Variants in ST6GAL2 observed in about 807,000 individuals in gnomAD.
ST6GAL2 encodes ST6 beta-galactoside alpha-2,6-sialyltransferase 2, also known as beta-galactoside alpha-2,6-sialyltransferase 2.
A neutral mutation model predicts 37.5 loss-of-function variants in ST6GAL2; 24 were observed. The ratio of observed to expected loss-of-function variants is 0.64; its 90% CI spans 0.46 to 0.90. The LOEUF is 0.90. Ranked by LOEUF, ST6GAL2 falls within the 40% of genes least tolerant of loss-of-function variation. ST6GAL2 has a pLI of 0.00. For synonymous variants in ST6GAL2, 306 were observed against 295.1 expected, an observed-to-expected ratio of 1.04 and a Z score of -0.38; for missense variants, 715 against 712.7, an observed-to-expected ratio of 1.00 and a Z score of -0.04.
chr2:106,832,366 C>A (rs896501769), intron 4 of ST6GAL2, among the ~76,000 whole-genome samples, 199 bp downstream of exon 4: 1 of 152,262 alleles, frequency 6.6e-6, no homozygotes, highest in Non-Finnish European at 1.5e-5. Context: ...CACAAAAGCA[C>A]TTTGGCATTA....
At chr2:106,871,161 G>A (rs1678250320) in intron 1 of ST6GAL2, among the ~76,000 whole-genome samples, 1 of 152,180 alleles carries the variant, frequency 6.6e-6, no homozygotes, top group Non-Finnish European at 1.5e-5. Flanking sequence ...TGACACAATG[G>A]TATTTGTGTC....
At chr2:106,875,756 C>T (rs1200482148) in intron 1 of ST6GAL2, among the ~76,000 whole-genome samples, 1 of 152,162 alleles carries the variant, frequency 6.6e-6, no homozygotes, top group East Asian at 1.9e-4. Flanking sequence ...CTAAGAGAAT[C>T]TAATTATATT....
At chr2:106,879,674 TTA>T (rs1269553419) in intron 1 of ST6GAL2, among the ~76,000 whole-genome samples, 1 of 148,994 alleles carries the variant, frequency 6.7e-6, no homozygotes, top group African/African-American at 2.4e-5. Context: ...ATAATAGAAA[TTA>T]TATATTAGAC....
intron 1 of ST6GAL2, among the ~76,000 whole-genome samples, chr2:106,872,442 A>G (rs1442830955): frequency 6.6e-6 from 1 of 152,144 alleles, no homozygotes; most frequent in Non-Finnish European, 1.5e-5. Context: ...AGTCCTTTTA[A>G]GTTGCTTATG....
At position 106,830,226 on chromosome 2, in the gene ST6GAL2, CG is replaced by C; in HGVS notation, c.1157del (p.Pro386ArgfsTer58). On this transcript the variant is annotated frameshift_variant, in exon 5 of 6. Coordinates refer to ENST00000409382, the MANE Select transcript of ST6GAL2 (RefSeq NM_001142351.2). LOFTEE classifies it high-confidence loss of function. ...TATATGGAGTGAACAGGTTGTAATC[CG>C]GTTTTTTGTACCACTAAGGAAAAAA... Reference protein sequence around the residue: ...SANLNLWYKKPDYNLFTPYIQ... With the variant: ...SANLNLWYKKXDYNLFTPYIQ... 1 of 1,609,172 alleles carries C rather than the reference CG, an allele frequency of 6.2e-7. No homozygotes were observed.
At chr2:106,841,498 C>A (rs1055318556) in intron 2 of ST6GAL2, among the ~76,000 whole-genome samples, 1 of 152,140 alleles carries the variant, frequency 6.6e-6, no homozygotes, top group African/African-American at 2.4e-5. Flanking sequence ...GAATCAAGCA[C>A]ATATTAGGGG....
At chr2:106,815,361 A>C (rs1206192929) in intron 5 of ST6GAL2, among the ~76,000 whole-genome samples, 2 of 152,236 alleles carry the variant, frequency 1.3e-5, no homozygotes, top group Non-Finnish European at 2.9e-5. Context: ...GTACATACAT[A>C]GAGTAATGAC....
intron 1 of ST6GAL2, among the ~76,000 whole-genome samples, chr2:106,878,602 T>C (rs949998132): frequency 2.0e-5 from 3 of 152,092 alleles, no homozygotes; most frequent in Non-Finnish European, 4.4e-5. Context: ...ATCTCTCAAA[T>C]AGAAATAAAA....
At chr2:106,834,844 A>G (rs1213541748) in intron 2 of ST6GAL2, 1 of 152,264 alleles carries the variant, frequency 6.6e-6, no homozygotes, top group African/African-American at 2.4e-5. Flanking sequence ...CTTATGTTCT[A>G]TAACCACACA....
intron 1 of ST6GAL2, among the ~76,000 whole-genome samples, chr2:106,855,249 C>G (rs904695501): frequency 6.6e-6 from 1 of 152,198 alleles, no homozygotes; most frequent in Admixed American, 6.5e-5. Flanking sequence ...CTCACAAGAA[C>G]CCAGGGAAGA....
chr2:106,880,111 C>T (rs1052153196), intron 1 of ST6GAL2, among the ~76,000 whole-genome samples: 1 of 151,546 alleles, frequency 6.6e-6, no homozygotes, highest in Non-Finnish European at 1.5e-5. Context: ...CCATATTACA[C>T]TTGTCTATTT....
chr2:106,827,436 T>G (rs1676250878), intron 5 of ST6GAL2, among the ~76,000 whole-genome samples: 1 of 152,134 alleles, frequency 6.6e-6, no homozygotes, highest in Non-Finnish European at 1.5e-5. Flanking sequence ...TGCCCATCCT[T>G]GGTGAGGGTT....
chr2:106,817,637 C>A (rs1675851400), intron 5 of ST6GAL2, among the ~76,000 whole-genome samples: 1 of 152,132 alleles, frequency 6.6e-6, no homozygotes, highest in Admixed American at 6.5e-5. Flanking sequence ...TGACACTCAG[C>A]ATTTTCCCAG....
At position 106,850,332 on chromosome 2, in the gene ST6GAL2, G is replaced by A. The variant is rs148650563; in HGVS notation, c.-57-6298C>T. Among the ~76,000 whole-genome samples the A allele has an allele frequency of 3.9e-5, 6 of 152,302 alleles. No homozygotes were observed. The East Asian group carries it at 1.2e-3, about 29-fold the overall frequency. On this transcript the variant is annotated intron_variant, in intron 1 of 5. Coordinates refer to ENST00000409382, the MANE Select transcript of ST6GAL2 (RefSeq NM_001142351.2). ...TGCCCGCTGTGCTGGGAAGTAGAAA[G>A]AGGCAGGATTTGTGAGGCTCTCTGA...
intron 5 of ST6GAL2, among the ~76,000 whole-genome samples, chr2:106,814,084 A>T (rs1007936785): frequency 1.6e-4 from 25 of 152,220 alleles, no homozygotes; most frequent in Admixed American, 1.6e-3. Flanking sequence ...GATGTAATTT[A>T]AGAAGACTCT....
At chr2:106,872,078 G>A (rs944930393) in intron 1 of ST6GAL2, among the ~76,000 whole-genome samples, 4 of 152,222 alleles carry the variant, frequency 2.6e-5, no homozygotes, top group Non-Finnish European at 1.5e-5. Flanking sequence ...AATGCACACT[G>A]CAGTACAACC....
At chr2:106,886,178 G>A (rs1678982699), upstream of ST6GAL2, 1 of 152,254 alleles carries the variant, frequency 6.6e-6, no homozygotes, top group Non-Finnish European at 1.5e-5. Flanking sequence ...GGAGTCCAAG[G>A]CGTGCGTGTC....
chr2:106,863,201 A>G (rs1034851699), intron 1 of ST6GAL2, among the ~76,000 whole-genome samples: 1 of 152,174 alleles, frequency 6.6e-6, no homozygotes, highest in Non-Finnish European at 1.5e-5. Context: ...GAATGAGAGG[A>G]CAGGTTGCCT....
intron 1 of ST6GAL2, among the ~76,000 whole-genome samples, chr2:106,866,785 T>G (rs1483181724): frequency 6.6e-6 from 1 of 152,196 alleles, no homozygotes; most frequent in African/African-American, 2.4e-5. Context: ...AAAACACGCA[T>G]GTATCAAGAA....
Sources: allele counts gnomAD v4.1 joint callset (sites outside exome capture counted in the v4.1 genomes callset), GRCh38; gene constraint gnomAD v4.1.1; transcripts MANE v1.5; gene names NCBI Gene and HGNC (gene_info 2026-07-23, HGNC 2026-07-21).